Variants in CAST observed in about 807,000 individuals in gnomAD.
CAST encodes MIR583 host.
In CAST, 76 loss-of-function variants were observed where a neutral mutation model predicts 119.6. The ratio of observed to expected loss-of-function variants is 0.64; its 90% CI spans 0.53 to 0.77. The LOEUF (loss-of-function observed/expected upper bound fraction) is 0.77. Ranked by LOEUF, CAST falls within the 30% of genes least tolerant of loss-of-function variation. CAST has a pLI of 0.00. For missense variants in CAST, 953 were observed against 946.5 expected, an observed-to-expected ratio of 1.01 and a Z score of -0.09; for synonymous variants, 319 against 331.6, an observed-to-expected ratio of 0.96 and a Z score of 0.41.
the CAST span, among the ~76,000 whole-genome samples, chr5:96,443,936 T>C: frequency 6.6e-6 from 1 of 152,362 alleles, no homozygotes; most frequent in Admixed American, 6.5e-5. Flanking sequence ...CTATTTCATG[T>C]TGCTAGGGTA....
chr5:96,700,123 A>G (rs1753710615), intron 3 of CAST, among the ~76,000 whole-genome samples: 2 of 152,148 alleles, frequency 1.3e-5, no homozygotes, highest in Admixed American at 1.3e-4. Flanking sequence ...GGTACTGTGG[A>G]GGGTATGCTG....
At chr5:96,761,101 A>C (rs1216641165) in intron 24 of CAST, 1 of 152,174 alleles carries the variant, frequency 6.6e-6, no homozygotes, top group Non-Finnish European at 1.5e-5. Context: ...GTGAAAAATC[A>C]TTATTTTATG....
At chr5:96,550,911 A>G (rs909970289) in intron 1 of CAST, among the ~76,000 whole-genome samples, 1 of 152,242 alleles carries the variant, frequency 6.6e-6, no homozygotes, top group African/African-American at 2.4e-5. Context: ...GAAATACGGG[A>G]CTATGTGAAA....
chr5:96,203,320 A>AT, the CAST span, among the ~76,000 whole-genome samples: 5,744 of 148,946 alleles, frequency 0.039, 335 homozygotes, highest in African/African-American at 0.12. Context: ...TATTCCACAA[A>AT]TTTTTTTTTT....
At chr5:96,549,190 C>T (rs111851324) in intron 1 of CAST, among the ~76,000 whole-genome samples, 1,618 of 152,316 alleles carry the variant, frequency 0.011, 22 homozygotes, top group South Asian at 0.042. Context: ...TGATAAAATT[C>T]TGTGCTACTA....
At chr5:96,347,254 T>C in the CAST span, among the ~76,000 whole-genome samples, 3 of 152,156 alleles carry the variant, frequency 2.0e-5, no homozygotes, top group Non-Finnish European at 4.4e-5. Flanking sequence ...TAATGGACAT[T>C]AATGCATGAT....
At chr5:96,069,556 T>C in the CAST span, among the ~76,000 whole-genome samples, 1 of 151,892 alleles carries the variant, frequency 6.6e-6, no homozygotes, top group Non-Finnish European at 1.5e-5. Context: ...CAATCGTAGC[T>C]CACGGTAGCC....
rs756487841 is a variant in CAST at position 96,742,718 on chromosome 5, C to T, written c.1162C>T (p.Pro388Ser). The T allele has an allele frequency of 5.6e-6, 9 of 1,613,836 alleles. No individual in the cohort carries two copies. The African/African-American group carries it at 8.0e-5, about 14-fold the overall frequency. ...SASLGTRQAE[P>S]ELDLRSIKEV... ...TTCACTGGGCACCCGGCAAGCAGAA[C>T]CTGAGCTCGACCTCCGCTCAATTAA... is the stretch of plus-strand genomic sequence containing the variant. The change falls in exon 16 of 32, where the codon CCT (proline) becomes TCT (serine). Residue 388 changes from proline (P) to serine (S), a missense_variant. By Grantham distance (74) the Pro-to-Ser change is moderately conservative (BLOSUM62 -1). Coordinates refer to ENST00000675179, the MANE Select transcript of CAST (RefSeq NM_001750.7).
the CAST span, among the ~76,000 whole-genome samples, chr5:96,193,419 G>C: frequency 6.6e-6 from 1 of 152,132 alleles, no homozygotes; most frequent in Non-Finnish European, 1.5e-5. Context: ...TACTGGGAGG[G>C]AAAACTTTAG....
At chr5:95,988,097 C>T in the CAST span, among the ~76,000 whole-genome samples, 14 of 152,054 alleles carry the variant, frequency 9.2e-5, no homozygotes, top group Non-Finnish European at 1.6e-4. Context: ...GCAAGACTTA[C>T]GGCTTGGGCA....
chr5:96,229,363 T>C, the CAST span, among the ~76,000 whole-genome samples: 2 of 151,876 alleles, frequency 1.3e-5, no homozygotes, highest in Non-Finnish European at 2.9e-5. Context: ...TGACTGCACT[T>C]GCTTTCCATC....
chr5:96,169,778 T>C, the CAST span, among the ~76,000 whole-genome samples: 5 of 152,096 alleles, frequency 3.3e-5, no homozygotes, highest in East Asian at 5.8e-4. Flanking sequence ...AGGCTTTGAA[T>C]TGGTGAAAAA....
At chr5:96,449,695 A>G in the CAST span, among the ~76,000 whole-genome samples, 2 of 152,184 alleles carry the variant, frequency 1.3e-5, no homozygotes, top group Non-Finnish European at 2.9e-5. Flanking sequence ...CATTTGTCCA[A>G]TCTTCTCTCA....
intron 9 of CAST, among the ~76,000 whole-genome samples, chr5:96,732,683 GA>G (rs1760798955): frequency 6.6e-6 from 1 of 152,162 alleles, no homozygotes; most frequent in African/African-American, 2.4e-5. Context: ...AAGCAATGGG[GA>G]AAGGATTCCC....
At chr5:96,061,445 G>A in the CAST span, among the ~76,000 whole-genome samples, 1 of 152,130 alleles carries the variant, frequency 6.6e-6, no homozygotes, top group East Asian at 1.9e-4. Context: ...TTCTCTCCCA[G>A]CTCACATATA....
intron 1 of CAST, among the ~76,000 whole-genome samples, chr5:96,602,706 G>A (rs142264470): frequency 7.2e-5 from 11 of 152,210 alleles, no homozygotes; most frequent in South Asian, 4.1e-4. Context: ...GCCAAATCAC[G>A]CCATTACACT....
chr5:96,591,474 G>A (rs1435583759), intron 1 of CAST, among the ~76,000 whole-genome samples: 1 of 152,202 alleles, frequency 6.6e-6, no homozygotes, highest in Non-Finnish European at 1.5e-5. Flanking sequence ...CATTACAGAT[G>A]TAACAGTCAT....
the CAST span, among the ~76,000 whole-genome samples, chr5:96,208,787 T>A: frequency 1.4e-4 from 22 of 152,094 alleles, no homozygotes; most frequent in South Asian, 2.7e-3. Flanking sequence ...CTGAGAAGAA[T>A]GTATGTTCTG....
At chr5:96,230,086 TG>T in the CAST span, among the ~76,000 whole-genome samples, 1 of 152,082 alleles carries the variant, frequency 6.6e-6, no homozygotes, top group Non-Finnish European at 1.5e-5. Context: ...ATTCTCATGG[TG>T]ACAAGTGACC....
Sources: gnomAD v4.1 joint callset for allele counts (sites outside exome capture counted in the v4.1 genomes callset) on GRCh38, gnomAD v4.1.1 for gene constraint, MANE v1.5 for transcripts, NCBI Gene and HGNC (gene_info 2026-07-23, HGNC 2026-07-21) for gene names.